Variants in KIF27 observed in about 807,000 individuals in gnomAD.
KIF27 encodes kinesin family member 27.
In KIF27, 84 loss-of-function variants were observed where a neutral mutation model predicts 141.8. That is an observed-to-expected ratio of 0.59 (90% CI 0.50 to 0.71). KIF27 has a LOEUF of 0.71. Ranked by LOEUF, KIF27 falls within the 30% of genes least tolerant of loss-of-function variation. The pLI is 0.00. For synonymous variants in KIF27, 471 were observed against 569.5 expected, an observed-to-expected ratio of 0.83 and a Z score of 2.46; for missense variants, 1,306 against 1,628.4, an observed-to-expected ratio of 0.80 and a Z score of 3.41.
At chr9:83,885,116 A>G (rs1375926521) in intron 9 of KIF27, among the ~76,000 whole-genome samples, 1 of 152,166 alleles carries the variant, frequency 6.6e-6, no homozygotes, top group Non-Finnish European at 1.5e-5. Context: ...TTATTTAGAC[A>G]GAGCCTCGCT....
At chr9:83,895,010 C>G (rs1311962214) in intron 5 of KIF27, among the ~76,000 whole-genome samples, 2 of 151,342 alleles carry the variant, frequency 1.3e-5, no homozygotes, top group African/African-American at 4.9e-5. Context: ...CTTTGGGAGG[C>G]TGAGGTGGGC....
intron 12 of KIF27, among the ~76,000 whole-genome samples, chr9:83,869,834 A>G (rs1950626126): frequency 6.6e-6 from 1 of 152,226 alleles, no homozygotes; most frequent in Non-Finnish European, 1.5e-5. Flanking sequence ...CATTTCTACC[A>G]AAATAAGAAT....
At chr9:83,865,203 T>C (rs1950260211) in intron 13 of KIF27, among the ~76,000 whole-genome samples, 1 of 152,218 alleles carries the variant, frequency 6.6e-6, no homozygotes, top group Non-Finnish European at 1.5e-5. Flanking sequence ...GATCTTGGGC[T>C]TTCTGGATTT....
At chr9:83,917,578 G>A (rs760161059) in intron 1 of KIF27, among the ~76,000 whole-genome samples, 4 of 152,170 alleles carry the variant, frequency 2.6e-5, no homozygotes, top group African/African-American at 7.2e-5. Flanking sequence ...CAGTAATCAT[G>A]ATAGTGTGGT....
intron 15 of KIF27, 61 bp from the exon 16 acceptor site, chr9:83,850,358 C>A: frequency 1.9e-6 from 2 of 1,031,956 alleles, no homozygotes; most frequent in Middle Eastern, 2.1e-4. Flanking sequence ...TAATAATCTA[C>A]TTTTCTTAGG....
intron 4 of KIF27, among the ~76,000 whole-genome samples, chr9:83,900,787 T>TC (rs1953796989): frequency 6.6e-6 from 1 of 150,864 alleles, no homozygotes. Context: ...ATAAACCAAC[T>TC]CCAACATTCA....
chr9:83,907,291 A>T (rs1282661091), intron 3 of KIF27, among the ~76,000 whole-genome samples: 1 of 138,456 alleles, frequency 7.2e-6, no homozygotes, highest in Non-Finnish European at 1.5e-5. Context: ...CTCCATCTCA[A>T]AAATAAATAA....
chr9:83,880,951 T>C lies in KIF27; in HGVS notation c.2446-457A>G, dbSNP rs1025806410. On this transcript the variant is annotated intron_variant, in intron 10 of 17. Transcript: ENST00000297814. ...GCATATGCATGCAAATAGCTGCATA[T>C]GTATTCTATATAGACTACTGTCTCC... Among the ~76,000 whole-genome samples the C allele has an allele frequency of 7.9e-5, 12 of 152,362 alleles. No individual in the cohort carries two copies. In the South Asian group the frequency reaches 1.7e-3, roughly 21 times the overall value.
chr9:83,838,567 G>A (rs1946188351), intron 17 of KIF27, among the ~76,000 whole-genome samples: 2 of 152,186 alleles, frequency 1.3e-5, no homozygotes. Context: ...TAAAACACAG[G>A]TTGCACATTG....
At chr9:83,865,121 T>C (rs536470783) in intron 13 of KIF27, among the ~76,000 whole-genome samples, 1 of 152,166 alleles carries the variant, frequency 6.6e-6, no homozygotes, top group African/African-American at 2.4e-5. Context: ...AGAAAATTTT[T>C]TATATGATGT....
chr9:83,891,836 T>A (rs1952712411), intron 5 of KIF27, among the ~76,000 whole-genome samples: 1 of 152,068 alleles, frequency 6.6e-6, no homozygotes, highest in African/African-American at 2.4e-5. Flanking sequence ...CTGAGTGAAA[T>A]CCAAGAAGTA....
Position 83,834,634 on chromosome 9 carries a change from C to T in KIF27, c.*2367G>A. Reference sequence around the variant, plus strand: ...CAAGTAGGATTCCAGTATCAGAATACATTCTTAAATGAATTATTCCTAAAT... The same window carrying T: ...CAAGTAGGATTCCAGTATCAGAATATATTCTTAAATGAATTATTCCTAAAT... On this transcript the variant is annotated 3_prime_UTR_variant, in exon 18 of 18. Transcript: ENST00000297814. Among the ~76,000 whole-genome samples, 1 of 151,802 alleles carries T rather than the reference C, an allele frequency of 6.6e-6. No homozygotes were observed. The highest frequency in any genetic ancestry group is 1.5e-5 in the Non-Finnish European group (1 of 67,866).
chr9:83,870,140 T>C (rs1200071177), intron 12 of KIF27, among the ~76,000 whole-genome samples: 11 of 149,110 alleles, frequency 7.4e-5, no homozygotes, highest in African/African-American at 2.7e-4. Flanking sequence ...TCTATCTATC[T>C]CTCTATCTAT....
Position 83,859,250 on chromosome 9 carries a change from T to A in KIF27, c.3056A>T (p.Gln1019Leu). The change falls in exon 14 of 18, where the codon CAA becomes CTA. Residue 1019 changes from glutamine (Q) to leucine (L), a missense_variant. By Grantham distance (113) the Gln-to-Leu change is moderately radical. Transcript: ENST00000297814. Reference protein sequence around the residue: ...TAEEKTKISEQVEVLQKEKDQ... With the variant: ...TAEEKTKISELVEVLQKEKDQ... Reference sequence around the variant, plus strand: ...CTTTTCTTTCTGGAGGACTTCAACTTGTTCTGAAATCTTTGTTTTCTCCTC... The same window carrying A: ...CTTTTCTTTCTGGAGGACTTCAACTAGTTCTGAAATCTTTGTTTTCTCCTC... 6.2e-7 allele frequency: 1 copy of A among 1,614,112 alleles called. No individual in the cohort carries two copies. Among genetic ancestry groups the A allele is most frequent in the South Asian group, 1.1e-5 (1 of 91,076 alleles).
intron 2 of KIF27, among the ~76,000 whole-genome samples, chr9:83,910,086 C>T (rs111750301): frequency 6.7e-6 from 1 of 149,682 alleles, no homozygotes; most frequent in African/African-American, 2.4e-5. Flanking sequence ...TACATACATA[C>T]GTACGTACTT....
At chr9:83,850,629 T>C (rs916856145) in intron 15 of KIF27, among the ~76,000 whole-genome samples, 4 of 150,880 alleles carry the variant, frequency 2.7e-5, no homozygotes, top group Non-Finnish European at 5.9e-5. Context: ...AAAAAATATA[T>C]AAAATTAGCT....
Position 83,899,649 on chromosome 9 carries a change from T to A in KIF27, c.1602+12A>T. ...AAGAAAATCTACAGAGCTAGATGCA[T>A]TAAGAAACTACCTGCAGTCTATTCA... On this transcript the variant is annotated intron_variant, in intron 5 of 17. Coordinates refer to ENST00000297814, the MANE Select transcript of KIF27 (RefSeq NM_017576.4). 6.2e-7 allele frequency: 1 copy of A among 1,612,006 alleles called. No individual in the cohort carries two copies. Among genetic ancestry groups the A allele is most frequent in the South Asian group, 1.1e-5 (1 of 90,916 alleles).
Position 83,903,464 on chromosome 9 carries a change from CG to C in KIF27, c.1053del (p.Glu352SerfsTer5). On this transcript the variant is annotated frameshift_variant, in exon 4 of 18. Transcript: ENST00000297814. LOFTEE classifies it high-confidence loss of function. ...TCCATTTCATCTATACGGTCTGACT[CG>C]GGGCTGAAGTTTACAGTGGGTTTGT... ...IRNKPTVNFSPESDRIDEMEF... is the reference protein window; with the variant it reads ...IRNKPTVNFSXESDRIDEMEF... 6.2e-7 allele frequency: 1 copy of C among 1,614,078 alleles called. No homozygotes were observed. Among genetic ancestry groups the C allele is most frequent in the Non-Finnish European group, 8.5e-7 (1 of 1,180,028 alleles).
Position 83,903,432 on chromosome 9 carries a change from C to T in KIF27, c.1086G>A (p.Glu362=), listed in dbSNP as rs1314313650. Residue 362 remains glutamate (E), a synonymous_variant, in exon 4 of 18, where the codon GAG becomes GAA. Transcript: ENST00000297814. The part of the protein sequence containing the change: ...ESDRIDEMEF[E]IKLLREALQS... ...GCAAAGCTTCTCGAAGCAATTTAAT[C>T]TCAAATTCCATTTCATCTATACGGT... 6.2e-7 allele frequency: 1 copy of T among 1,614,056 alleles called. No homozygotes were observed. Among genetic ancestry groups the T allele is most frequent in the South Asian group, 1.1e-5 (1 of 91,084 alleles).
Sources: allele counts gnomAD v4.1 joint callset (sites outside exome capture counted in the v4.1 genomes callset), GRCh38; gene constraint gnomAD v4.1.1; transcripts MANE v1.5; gene names NCBI Gene and HGNC (gene_info 2026-07-23, HGNC 2026-07-21).